FAM161A: variants seen among roughly 807,000 people sequenced by gnomAD.
FAM161A encodes protein FAM161A.
FAM161A carries 57 observed loss-of-function variants against 70.9 expected under a neutral mutation model. The observed-to-expected ratio is 0.80, with a 90% confidence interval of 0.65 to 1.00. FAM161A has a LOEUF of 1.00. Among genes scored for constraint, FAM161A ranks in the 50% least tolerant of loss-of-function variants. The pLI, the probability that FAM161A is intolerant of heterozygous loss-of-function variation, is 0.00. For synonymous variants in FAM161A, 299 were observed against 295.7 expected, an observed-to-expected ratio of 1.01 and a Z score of -0.12; for missense variants, 880 against 836.0, an observed-to-expected ratio of 1.05 and a Z score of -0.65.
At chr2:61,828,063 T>C (rs1465227014) in intron 5 of FAM161A, among the ~76,000 whole-genome samples, 1 of 152,036 alleles carries the variant, frequency 6.6e-6, no homozygotes, top group East Asian at 1.9e-4. Context: ...CACTGTAAAA[T>C]TGCAAAGAAA....
At chr2:61,812,130 C>CTA in the FAM161A span, among the ~76,000 whole-genome samples, 3 of 152,206 alleles carry the variant, frequency 2.0e-5, no homozygotes, top group South Asian at 6.2e-4. Flanking sequence ...CTTCTTGACT[C>CTA]TAACTAGGCA....
chr2:61,845,796 A>G (rs917430496), intron 1 of FAM161A, among the ~76,000 whole-genome samples: 5 of 147,370 alleles, frequency 3.4e-5, no homozygotes, highest in African/African-American at 1.3e-4. Context: ...CCTTGTATCA[A>G]GAAAAAAGAA....
the FAM161A span, among the ~76,000 whole-genome samples, chr2:61,807,226 G>A: frequency 6.6e-6 from 1 of 151,698 alleles, no homozygotes; most frequent in South Asian, 2.1e-4. Context: ...CCCAGACAAC[G>A]GAAATGAAGC....
chr2:61,851,747 AG>A (rs1248015247), intron 1 of FAM161A, among the ~76,000 whole-genome samples: 2 of 107,734 alleles, frequency 1.9e-5, no homozygotes, highest in Admixed American at 2.5e-4. Context: ...GGGCACTGCA[AG>A]GGGGGTGCGT....
At position 61,840,062 on chromosome 2, in the gene FAM161A, G is replaced by A. The variant is rs372613994; in HGVS notation, c.942C>T (p.Ser314=). 8.1e-6 allele frequency: 13 copies of A among 1,614,114 alleles called. No individual in the cohort carries two copies. The highest frequency in any genetic ancestry group is 6.7e-5 in the African/African-American group (5 of 75,010). ...EERRRSLKEK[S]KEALLASQKP... is the part of the protein sequence containing the mutation. ...TTTGTGAGGCCAAAAGAGCTTCTTT[G>A]CTTTTCTCCTTCAGAGACCTTCTCC... The change falls in exon 3 of 7, where the codon AGC becomes AGT. Residue 314 remains serine (S), a synonymous_variant. Transcript: ENST00000404929.
chr2:61,829,388 T>G (rs1285551314), intron 5 of FAM161A, among the ~76,000 whole-genome samples: 1 of 152,170 alleles, frequency 6.6e-6, no homozygotes, highest in African/African-American at 2.4e-5. Context: ...CTGATTACAA[T>G]AGATAAAACT....
chr2:61,838,621 C>T lies in FAM161A; in HGVS notation c.1668G>A (p.Gln556=). Residue 556 remains glutamine (Q), a synonymous_variant, in exon 4 of 7, where the codon CAG becomes CAA. Coordinates refer to ENST00000404929, the MANE Select transcript of FAM161A (RefSeq NM_001201543.2). ...CCTTAGCCCGGGTTGTCAGGAGTTT[C>T]TGCAATTCTTTCATTCTTTGCTTCT... The part of the protein sequence containing the change: ...TKQKQRMKEL[Q]KLLTTRAKAY... 6.2e-7 allele frequency: 1 copy of T among 1,612,094 alleles called. No homozygotes were observed. Among genetic ancestry groups the T allele is most frequent in the Non-Finnish European group, 8.5e-7 (1 of 1,179,494 alleles).
At position 61,827,245 on chromosome 2, in the gene FAM161A, A is replaced by G; in HGVS notation, c.1865T>C (p.Met622Thr). The G allele has an allele frequency of 1.2e-6, 2 of 1,613,366 alleles. No homozygotes were observed. Among genetic ancestry groups the G allele is most frequent in the South Asian group, 2.2e-5 (2 of 91,084 alleles). ...FERVAQKNAR[M>T]AAEKHYSNTL... ...ATTAGAATAATGCTTTTCTGCTGCC[A>G]TTCTTGCATTTTTCTATAGGAAAGA... Residue 622 changes from methionine (M) to threonine (T), a missense_variant, in exon 6 of 7, where the codon ATG becomes ACG. Coordinates refer to ENST00000404929, the MANE Select transcript of FAM161A (RefSeq NM_001201543.2).
rs544107644 is a variant in FAM161A, at chr2:61,839,791, C to T, written c.1213G>A (p.Gly405Arg). ...TCAGGACACCTGGGGTTCCTGCATC[C>T]ACAAGCTGACCTACAAGGCAGAGGA... is the stretch of plus-strand genomic sequence containing the variant. ...SSPLPCRSACGCRNPRCPEQA... is the reference protein window; with the variant it reads ...SSPLPCRSACRCRNPRCPEQA... Residue 405 changes from glycine to arginine, a missense_variant, in exon 3 of 7, where the codon GGA becomes AGA. Coordinates refer to ENST00000404929, the MANE Select transcript of FAM161A (RefSeq NM_001201543.2). 4.0e-5 allele frequency: 64 copies of T among 1,614,128 alleles called. No homozygotes were observed. In the East Asian group the frequency reaches 4.9e-4, roughly 12 times the overall value.
chr2:61,810,343 T>A, the FAM161A span, among the ~76,000 whole-genome samples: 1 of 151,770 alleles, frequency 6.6e-6, no homozygotes, highest in African/African-American at 2.4e-5. Flanking sequence ...AGAAGCCATC[T>A]CAGAACAGTC....
chr2:61,806,680 C>CTTTT, the FAM161A span, among the ~76,000 whole-genome samples: 510 of 61,600 alleles, frequency 8.3e-3, 74 homozygotes, highest in African/African-American at 0.014. Context: ...CTTTCCACGT[C>CTTTT]TTTTTTTTTT....
chr2:61,807,633 A>ATTTTTTTTTTTTTTTTTTTTTT, the FAM161A span, among the ~76,000 whole-genome samples: 1 of 113,326 alleles, frequency 8.8e-6, no homozygotes, highest in African/African-American at 3.6e-5. Flanking sequence ...TGGACTCCAG[A>ATTTTTTTTTTTTTTTTTTTTTT]TTTTTTTTTT....
the FAM161A span, among the ~76,000 whole-genome samples, chr2:61,802,484 T>C: frequency 6.6e-6 from 1 of 152,210 alleles, no homozygotes; most frequent in South Asian, 2.1e-4. Flanking sequence ...GGGATGATGC[T>C]CTTGGCTCTA....
chr2:61,844,077 A>T (rs1330353756), intron 1 of FAM161A, among the ~76,000 whole-genome samples: 1 of 152,034 alleles, frequency 6.6e-6, no homozygotes, highest in African/African-American at 2.4e-5. Flanking sequence ...TGGGAGGCAG[A>T]GCTTGCAGTG....
In FAM161A at chr2:61,825,839, G is replaced by C. The variant is rs1163092407; in HGVS notation, c.*616C>G. ...TTTTTAGTAGAGACGGGGTTTCATC[G>C]TGTTAGCCAGGATGGTCTCGATCTC... On this transcript the variant is annotated 3_prime_UTR_variant, in exon 7 of 7. Transcript: ENST00000404929. 3 of 444,632 alleles carry C rather than the reference G, an allele frequency of 6.7e-6. No homozygotes were observed. Among genetic ancestry groups the C allele is most frequent in the African/African-American group, 6.1e-5 (3 of 49,338 alleles). 27.5% of individuals were successfully genotyped at this position (444,632 alleles called of 1,614,324 possible).
chr2:61,843,670 T>C (rs1368802169), intron 1 of FAM161A, among the ~76,000 whole-genome samples: 2 of 152,152 alleles, frequency 1.3e-5, no homozygotes, highest in Non-Finnish European at 2.9e-5. Flanking sequence ...CTGTTTAGCT[T>C]CTCTCAAAAT....
chr2:61,808,560 C>T, the FAM161A span, among the ~76,000 whole-genome samples: 1 of 152,180 alleles, frequency 6.6e-6, no homozygotes, highest in African/African-American at 2.4e-5. Context: ...GCATGAGCCA[C>T]CGTGCCTGGC....
intron 5 of FAM161A, among the ~76,000 whole-genome samples, chr2:61,830,929 T>C (rs1672547961): frequency 6.6e-6 from 1 of 151,444 alleles, no homozygotes; most frequent in African/African-American, 2.4e-5. Flanking sequence ...ACCAACATGA[T>C]GAAACTTCGT....
the FAM161A span, among the ~76,000 whole-genome samples, chr2:61,815,613 C>T: frequency 1.2e-4 from 15 of 130,174 alleles, no homozygotes; most frequent in East Asian, 3.0e-3. Flanking sequence ...TGCAGTGGCG[C>T]GGTCTCAGCT....
Sources: allele counts gnomAD v4.1 joint callset (sites outside exome capture counted in the v4.1 genomes callset), GRCh38; gene constraint gnomAD v4.1.1; transcripts MANE v1.5; gene names NCBI Gene and HGNC (gene_info 2026-07-23, HGNC 2026-07-21).